The following NEBL variants were observed in gnomAD, a reference collection of about 807,000 sequenced individuals.
NEBL encodes nebulette.
NEBL carries 122 observed loss-of-function variants against 140.2 expected under a neutral mutation model. The ratio of observed to expected loss-of-function variants is 0.87; its 90% CI spans 0.75 to 1.01. NEBL has a LOEUF of 1.01. NEBL is among the 50% of genes least tolerant of loss of function. The pLI is 0.00. For synonymous variants in NEBL, 436 were observed against 398.9 expected, an observed-to-expected ratio of 1.09 and a Z score of -1.11; for missense variants, 1,365 against 1,231.3, an observed-to-expected ratio of 1.11 and a Z score of -1.62.
intron 2 of NEBL, 76 bp from the exon 3 acceptor site, chr10:20,890,025 G>A (rs1356035483): frequency 2.1e-6 from 2 of 951,390 alleles, no homozygotes; most frequent in East Asian, 2.5e-5. Context: ...TGATAATTAG[G>A]TTGATAAAGT....
At chr10:20,822,597 C>T (rs1839441582) in intron 19 of NEBL, among the ~76,000 whole-genome samples, 1 of 149,762 alleles carries the variant, frequency 6.7e-6, no homozygotes, top group African/African-American at 2.5e-5. Flanking sequence ...CTAATATAGA[C>T]TATATATAAA....
In NEBL at chr10:20,852,551, T is replaced by C. The variant is rs142505137; in HGVS notation, c.1002A>G (p.Gln334=). The change falls in exon 10 of 28, where the codon CAA becomes CAG. Residue 334 remains glutamine (Q), a synonymous_variant. Coordinates refer to ENST00000377122, the MANE Select transcript of NEBL (RefSeq NM_006393.3). ...HLHHKGNAVL[Q]SQVKYKEEYE... ...CGTACGGGCAAGTGTGTACCTGACT[T>C]TGGAGGACGGCATTGCCTTTATGGT... 1.2e-6 allele frequency: 2 copies of C among 1,612,106 alleles called. No homozygotes were observed. The highest frequency in any genetic ancestry group is 1.3e-5 in the African/African-American group (1 of 74,860).
At chr10:20,887,122 C>T (rs1292360398) in intron 4 of NEBL, among the ~76,000 whole-genome samples, 2 of 152,140 alleles carry the variant, frequency 1.3e-5, no homozygotes, top group Non-Finnish European at 2.9e-5. Flanking sequence ...TGAAACATTC[C>T]ATTTAGAAAG....
At chr10:21,142,807 T>A (rs554520889) in intron 2 of NEBL, among the ~76,000 whole-genome samples, 1 of 152,156 alleles carries the variant, frequency 6.6e-6, no homozygotes, top group South Asian at 2.1e-4. Context: ...GTGCTCCTTA[T>A]GAGAATCTAA....
chr10:21,178,326 G>C (rs1589317084), upstream of NEBL, among the ~76,000 whole-genome samples: 1 of 152,190 alleles, frequency 6.6e-6, no homozygotes, highest in East Asian at 1.9e-4. Flanking sequence ...TGGGGAATAA[G>C]ACATGATCTC....
chr10:21,226,931 A>T (rs1842159362), intron 3 of NEBL, among the ~76,000 whole-genome samples: 1 of 152,160 alleles, frequency 6.6e-6, no homozygotes, highest in Non-Finnish European at 1.5e-5. Flanking sequence ...GGAGGCTTCA[A>T]ATCAGCCATC....
chr10:20,799,980 A>C (rs1175514178), intron 26 of NEBL, among the ~76,000 whole-genome samples: 2 of 151,944 alleles, frequency 1.3e-5, no homozygotes, highest in Non-Finnish European at 2.9e-5. Flanking sequence ...CACGCGTGTG[A>C]GAGAGCGAGC....
intron 1 of NEBL, among the ~76,000 whole-genome samples, chr10:21,274,640 G>A (rs1267198768): frequency 6.6e-6 from 1 of 151,994 alleles, no homozygotes; most frequent in East Asian, 1.9e-4. Flanking sequence ...TGGCCAGCCT[G>A]GTCTCGAACC....
At chr10:20,865,852 G>A (rs1355288074) in intron 7 of NEBL, among the ~76,000 whole-genome samples, 4 of 152,122 alleles carry the variant, frequency 2.6e-5, no homozygotes, top group Non-Finnish European at 5.9e-5. Context: ...GCCTCTCCCA[G>A]GGAGCAGTTG....
rs903558595 is a variant in NEBL, at chr10:21,029,028, G to C, written c.165-8827C>G. On this transcript the variant is annotated intron_variant, in intron 2 of 6. Coordinates refer to the NEBL transcript ENST00000417816. ...CGGCCTCAGCAAAAAAGACGAATAAGAAGAGGAAAACTATCTCCCTAACAG... is the reference window on the plus strand; with the variant it reads ...CGGCCTCAGCAAAAAAGACGAATAACAAGAGGAAAACTATCTCCCTAACAG... 2.9e-5 allele frequency: 23 copies of C among 793,976 alleles called. No homozygotes were observed. The East Asian group carries it at 5.6e-4, about 19-fold the overall frequency. The allele number at this position is 793,976 out of a possible 1,614,324, so 49.2% of individuals were successfully genotyped here. A position where few individuals can be genotyped will look rare whatever the true frequency, so the allele number is the denominator to read the frequency against.
chr10:21,066,698 A>G (rs896420780), intron 2 of NEBL, among the ~76,000 whole-genome samples: 1 of 152,222 alleles, frequency 6.6e-6, no homozygotes, highest in African/African-American at 2.4e-5. Context: ...AAACACAGCA[A>G]TACAAGAGAG....
chr10:21,249,661 TATC>T (rs1041437607), intron 2 of NEBL, among the ~76,000 whole-genome samples: 1 of 151,318 alleles, frequency 6.6e-6, no homozygotes, highest in African/African-American at 2.4e-5. Flanking sequence ...TTTTATTTAA[TATC>T]ATATTTAGAA....
intron 17 of NEBL, among the ~76,000 whole-genome samples, chr10:20,827,173 A>T (rs954986914): frequency 6.6e-6 from 1 of 152,218 alleles, no homozygotes; most frequent in Non-Finnish European, 1.5e-5. Flanking sequence ...AGAAAAACAG[A>T]GTAATTATAA....
intron 4 of NEBL, among the ~76,000 whole-genome samples, chr10:20,919,003 T>C (rs928783973): frequency 1.3e-5 from 2 of 152,146 alleles, no homozygotes; most frequent in Non-Finnish European, 1.5e-5. Context: ...TGGAGGTCAG[T>C]AGTAGAATTC....
intron 2 of NEBL, among the ~76,000 whole-genome samples, chr10:21,156,040 A>G (rs1276625751): frequency 6.6e-6 from 1 of 152,220 alleles, no homozygotes; most frequent in Non-Finnish European, 1.5e-5. Context: ...AACGGTTCAT[A>G]GAAAAGTTAA....
chr10:20,952,878 C>G (rs566434118), intron 4 of NEBL, among the ~76,000 whole-genome samples: 21 of 119,260 alleles, frequency 1.8e-4, no homozygotes, highest in African/African-American at 6.8e-4. Flanking sequence ...GTACTCCAGC[C>G]TGGGTGACAG....
intron 5 of NEBL, among the ~76,000 whole-genome samples, chr10:20,870,700 T>C (rs1025543764): frequency 1.3e-5 from 2 of 152,212 alleles, no homozygotes; most frequent in African/African-American, 4.8e-5. Flanking sequence ...GAGAGCTTTA[T>C]CACCCAATAA....
intron 2 of NEBL, among the ~76,000 whole-genome samples, chr10:21,063,273 T>C (rs570745832): frequency 2.6e-5 from 4 of 152,308 alleles, no homozygotes; most frequent in African/African-American, 9.6e-5. Flanking sequence ...TCACTTGTCA[T>C]ATTCATGGCA....
chr10:20,940,963 A>G (rs991865936), intron 4 of NEBL, among the ~76,000 whole-genome samples: 5 of 152,166 alleles, frequency 3.3e-5, no homozygotes, highest in African/African-American at 4.8e-5. Context: ...CAACCAAAAA[A>G]AGTCCAGGAC....
Sources: gnomAD v4.1 joint callset for allele counts (sites outside exome capture counted in the v4.1 genomes callset) on GRCh38, gnomAD v4.1.1 for gene constraint, MANE v1.5 for transcripts, NCBI Gene and HGNC (gene_info 2026-07-23, HGNC 2026-07-21) for gene names.